The following DNAH11 variants were observed in gnomAD, a reference collection of about 807,000 sequenced individuals.
DNAH11 encodes axonemal beta dynein heavy chain 11.
A neutral mutation model predicts 526.0 loss-of-function variants in DNAH11; 442 were observed. That is an observed-to-expected ratio of 0.84 (90% CI 0.78 to 0.91). The LOEUF (loss-of-function observed/expected upper bound fraction) is 0.91. Ranked by LOEUF, DNAH11 falls within the 40% of genes least tolerant of loss-of-function variation. DNAH11 has a pLI of 0.00. For synonymous variants in DNAH11, 2,461 were observed against 1,935.9 expected (o/e 1.27, Z -7.12); for missense variants, 6,989 against 5,448.7 (o/e 1.28, Z -8.90).
At chr7:21,888,039 G>A (rs950542030) in intron 76 of DNAH11, among the ~76,000 whole-genome samples, 11 of 152,096 alleles carry the variant, frequency 7.2e-5, no homozygotes, top group African/African-American at 1.9e-4. Context: ...AGAACAACAC[G>A]GGCAATACGG....
chr7:21,561,010 G>A (rs1232685522), intron 4 of DNAH11, 61 bp from the exon 5 acceptor site: 7 of 1,086,340 alleles, frequency 6.4e-6, no homozygotes, highest in Non-Finnish European at 9.5e-6. Flanking sequence ...ATTACAGAAT[G>A]CATGTATTTA....
intron 18 of DNAH11, 99 bp from the exon 19 acceptor site, chr7:21,606,327 G>GAAAA: frequency 3.6e-6 from 3 of 830,758 alleles, no homozygotes; most frequent in Non-Finnish European, 5.3e-6. Flanking sequence ...TGTCTCAAGA[G>GAAAA]AAAAAAAAAA....
chr7:21,877,425 C>A (rs1256392852), intron 74 of DNAH11, among the ~76,000 whole-genome samples: 4 of 152,092 alleles, frequency 2.6e-5, no homozygotes, highest in African/African-American at 9.7e-5. Context: ...GAATTTACCT[C>A]CAAACTTTGG....
chr7:21,789,828 C>CTTT (rs1372913950), intron 61 of DNAH11, among the ~76,000 whole-genome samples: 2 of 122,520 alleles, frequency 1.6e-5, no homozygotes, highest in African/African-American at 6.5e-5. Context: ...TTCTTTCTTT[C>CTTT]TTTCTTTCTT....
Position 21,692,676 on chromosome 7 carries a change from G to A in DNAH11, c.6041+1795G>A, listed in dbSNP as rs148515242. Among the ~76,000 whole-genome samples, 3 of 152,138 alleles carry A rather than the reference G, an allele frequency of 2.0e-5. No individual in the cohort carries two copies. In the East Asian group the frequency reaches 5.8e-4, roughly 29 times the overall value. ...ATGAACATATATTTTTATTTCTTTG[G>A]GACAGATATCTATGGCTGGAATTGC... On this transcript the variant is annotated intron_variant, in intron 35 of 81. Coordinates refer to ENST00000409508, the MANE Select transcript of DNAH11 (RefSeq NM_001277115.2).
At chr7:21,788,507 A>C (rs1396705971) in intron 60 of DNAH11, among the ~76,000 whole-genome samples, 1 of 152,016 alleles carries the variant, frequency 6.6e-6, no homozygotes, top group Non-Finnish European at 1.5e-5. Context: ...ATAGAGCTTG[A>C]CTGTGGCTGC....
intron 25 of DNAH11, among the ~76,000 whole-genome samples, chr7:21,626,427 CA>C (rs928579995): frequency 1.3e-5 from 2 of 152,106 alleles, no homozygotes; most frequent in African/African-American, 4.8e-5. Flanking sequence ...CATGGAAGTG[CA>C]GATGTGTTTT....
chr7:21,769,682 A>G (rs1178565400), intron 55 of DNAH11, among the ~76,000 whole-genome samples: 1 of 151,840 alleles, frequency 6.6e-6, no homozygotes, highest in African/African-American at 2.4e-5. Context: ...ACAGGGTTTC[A>G]CCATGTTGCC....
intron 8 of DNAH11, among the ~76,000 whole-genome samples, chr7:21,578,347 A>G (rs1784178999): frequency 6.6e-6 from 1 of 152,224 alleles, no homozygotes; most frequent in African/African-American, 2.4e-5. Flanking sequence ...CAGTCATTAC[A>G]TCTTAAAGCT....
intron 42 of DNAH11, among the ~76,000 whole-genome samples, chr7:21,714,253 T>G (rs545675624): frequency 1.3e-5 from 2 of 152,304 alleles, no homozygotes; most frequent in African/African-American, 4.8e-5. Flanking sequence ...GTCTTCACCA[T>G]TAGATTTTAC....
chr7:21,732,452 G>A (rs1000305316), intron 45 of DNAH11, among the ~76,000 whole-genome samples: 4 of 152,080 alleles, frequency 2.6e-5, no homozygotes, highest in East Asian at 3.9e-4. Context: ...TTCACGACAT[G>A]AATGTTGGGG....
chr7:21,792,059 G>A lies in DNAH11; in HGVS notation c.10026+2717G>A, dbSNP rs142767292. On this transcript the variant is annotated intron_variant, in intron 61 of 81. Transcript: ENST00000409508. ...TTACATGGCAGAAGCAGGAGTGACA[G>A]ATGGGCCTTTTTTGTGTTGAGGTAT... is the stretch of plus-strand genomic sequence containing the variant. Among the ~76,000 whole-genome samples the A allele has an allele frequency of 3.7e-3, 567 of 152,320 alleles. 3 individuals are homozygous for A. The highest frequency in any genetic ancestry group is 0.013 in the African/African-American group (541 of 41,572).
At chr7:21,604,911 C>T (rs12669590) in intron 18 of DNAH11, among the ~76,000 whole-genome samples, 20,324 of 152,066 alleles carry the variant, frequency 0.13, 1,433 homozygotes, top group East Asian at 0.2. Flanking sequence ...GATGAGAAGC[C>T]ACGAGAGGGA....
chr7:21,669,992 C>T (rs984916942), intron 30 of DNAH11, among the ~76,000 whole-genome samples: 2 of 152,090 alleles, frequency 1.3e-5, no homozygotes, highest in African/African-American at 4.8e-5. Flanking sequence ...TCATTATTTT[C>T]CCCAAGATTG....
In DNAH11 at chr7:21,879,968, G is replaced by A. The variant is rs186403599; in HGVS notation, c.12196-734G>A. Reference sequence around the variant, plus strand: ...GGTGTGGTGGCATGCACCTGTAATCGCAGCTACTCAGGAGGCTGAGGCAGG... The same window carrying A: ...GGTGTGGTGGCATGCACCTGTAATCACAGCTACTCAGGAGGCTGAGGCAGG... On this transcript the variant is annotated intron_variant, in intron 74 of 81. Transcript: ENST00000409508. Among the ~76,000 whole-genome samples the A allele has an allele frequency of 3.6e-3, 551 of 151,440 alleles. 1 individual carries two copies. Among genetic ancestry groups the A allele is most frequent in the African/African-American group, 0.012 (508 of 41,254 alleles).
At position 21,543,530 on chromosome 7, in the gene DNAH11, A is replaced by G. The variant is rs1782669287; in HGVS notation, c.285A>G (p.Glu95=). ...GGCAGGTTCTTGGGGAGTTTCTGGA[A>G]AGCACCAGCCCGGCTTGCCTTGTGT... ...DNRQVLGEFL[E]STSPACLVFS... is the part of the protein sequence containing the mutation. The change falls in exon 1 of 82, where the codon GAA becomes GAG. Residue 95 remains glutamate, a synonymous_variant. Coordinates refer to ENST00000409508, the MANE Select transcript of DNAH11 (RefSeq NM_001277115.2). 6.2e-7 allele frequency: 1 copy of G among 1,610,036 alleles called. No individual in the cohort carries two copies. Among genetic ancestry groups the G allele is most frequent in the Non-Finnish European group, 8.5e-7 (1 of 1,178,224 alleles).
At chr7:21,666,061 A>G (rs938331630) in intron 30 of DNAH11, among the ~76,000 whole-genome samples, 5 of 152,270 alleles carry the variant, frequency 3.3e-5, no homozygotes, top group African/African-American at 9.6e-5. Flanking sequence ...TAAAACTGGT[A>G]TCAGAGTTGT....
chr7:21,769,123 A>G (rs533499053), intron 55 of DNAH11, among the ~76,000 whole-genome samples: 1 of 152,262 alleles, frequency 6.6e-6, no homozygotes, highest in South Asian at 2.1e-4. Flanking sequence ...GAAGCCATTT[A>G]AAAATATTAA....
intron 81 of DNAH11, 37 bp from the exon 82 acceptor site, chr7:21,900,970 C>CTGCCACACAATT: frequency 6.5e-7 from 1 of 1,530,602 alleles, no homozygotes. Context: ...TAGTAGCAAG[C>CTGCCACACAATT]TGCCACACAA....
Sources: allele counts gnomAD v4.1 joint callset (sites outside exome capture counted in the v4.1 genomes callset), GRCh38; gene constraint gnomAD v4.1.1; transcripts MANE v1.5; gene names NCBI Gene and HGNC (gene_info 2026-07-23, HGNC 2026-07-21).